UNC13C: variants seen among roughly 807,000 people sequenced by gnomAD.
UNC13C encodes the protein unc-13 homolog C, also known as protein unc-13 homolog C.
UNC13C carries 174 observed loss-of-function variants against 245.4 expected under a neutral mutation model. That is an observed-to-expected ratio of 0.71 (90% CI 0.63 to 0.80). UNC13C has a LOEUF of 0.80. Ranked by LOEUF, UNC13C falls within the 30% of genes least tolerant of loss-of-function variation. The pLI, the probability that UNC13C is intolerant of heterozygous loss-of-function variation, is 0.00. For synonymous variants in UNC13C, 992 were observed against 895.1 expected, an observed-to-expected ratio of 1.11 and a Z score of -1.93; for missense variants, 2,829 against 2,602.9, an observed-to-expected ratio of 1.09 and a Z score of -1.89.
downstream of UNC13C, chr15:54,630,760 A>AT (rs1407276646): frequency 5.3e-5 from 8 of 152,082 alleles, no homozygotes; most frequent in African/African-American, 1.9e-4. Flanking sequence ...CTGCAGTGTG[A>AT]TTTTTAGAAT....
chr15:54,268,059 C>G (rs941953954), intron 10 of UNC13C, among the ~76,000 whole-genome samples: 2 of 151,900 alleles, frequency 1.3e-5, no homozygotes, highest in Non-Finnish European at 2.9e-5. Context: ...AACCCATCAT[C>G]TAGGTTTTAA....
chr15:54,209,456 G>A (rs1020852553), intron 4 of UNC13C, among the ~76,000 whole-genome samples: 5 of 151,592 alleles, frequency 3.3e-5, no homozygotes, highest in African/African-American at 1.2e-4. Context: ...CTGTCACTCA[G>A]GGCTGGAGTA....
chr15:54,001,789 C>T (rs553863445), intron 1 of UNC13C, among the ~76,000 whole-genome samples: 5 of 152,298 alleles, frequency 3.3e-5, no homozygotes, highest in South Asian at 2.1e-4. Context: ...CGTGGGGACA[C>T]GGCACAGCCA....
chr15:54,375,282 G>A (rs2039581294), intron 17 of UNC13C, among the ~76,000 whole-genome samples: 1 of 152,162 alleles, frequency 6.6e-6, no homozygotes, highest in Non-Finnish European at 1.5e-5. Context: ...CTACCTTGCA[G>A]AAAATAAACT....
chr15:54,180,253 A>G (rs2033753555), intron 4 of UNC13C, among the ~76,000 whole-genome samples: 1 of 151,980 alleles, frequency 6.6e-6, no homozygotes, highest in African/African-American at 2.4e-5. Context: ...ATTACATGAC[A>G]TATTTTGTTC....
At chr15:53,876,765 T>C in the UNC13C span, among the ~76,000 whole-genome samples, 1 of 152,332 alleles carries the variant, frequency 6.6e-6, no homozygotes, top group East Asian at 1.9e-4. Flanking sequence ...TTTTATGGTA[T>C]CTTTAGTCTT....
the UNC13C span, among the ~76,000 whole-genome samples, chr15:53,937,418 A>G: frequency 6.6e-6 from 1 of 152,210 alleles, no homozygotes; most frequent in African/African-American, 2.4e-5. Context: ...ATTGGGGTAC[A>G]TGAAAGAGAT....
At chr15:53,934,543 G>C in the UNC13C span, among the ~76,000 whole-genome samples, 1 of 152,188 alleles carries the variant, frequency 6.6e-6, no homozygotes, top group Non-Finnish European at 1.5e-5. Flanking sequence ...ACCAATTAAA[G>C]AGAGTCAGCT....
In UNC13C at chr15:54,453,269, C is replaced by G. The variant is rs138850409; in HGVS notation, c.4933+38202C>G. ...TTACCCTTTTCCTGCACTGTTGAGT[C>G]TCACTGGGCTCCCAGATGATACTAG... On this transcript the variant is annotated intron_variant, in intron 19 of 32. Transcript: ENST00000260323. Among the ~76,000 whole-genome samples the G allele has an allele frequency of 9.8e-5, 15 of 152,308 alleles. No homozygotes were observed. The East Asian group carries it at 2.3e-3, about 24-fold the overall frequency.
At chr15:54,613,327 T>TA (rs1314639172) in intron 30 of UNC13C, among the ~76,000 whole-genome samples, 2 of 151,884 alleles carry the variant, frequency 1.3e-5, no homozygotes, top group African/African-American at 4.8e-5. Context: ...GTTGACATAT[T>TA]AAAAAATGTC....
intron 19 of UNC13C, among the ~76,000 whole-genome samples, chr15:54,458,861 G>T (rs140945318): frequency 1.3e-4 from 19 of 151,584 alleles, no homozygotes; most frequent in African/African-American, 4.6e-4. Flanking sequence ...CTGCCATTCT[G>T]TATCTTTTTA....
chr15:54,151,303 T>C (rs922967297), intron 4 of UNC13C, among the ~76,000 whole-genome samples: 1 of 152,142 alleles, frequency 6.6e-6, no homozygotes, highest in Non-Finnish European at 1.5e-5. Context: ...ATTTTTTACT[T>C]CCATTATTTA....
the UNC13C span, chr15:53,914,470 C>T: frequency 6.6e-6 from 1 of 152,354 alleles, no homozygotes; most frequent in Non-Finnish European, 1.5e-5. Context: ...AGAGTCAGGG[C>T]TGTCCATATT....
Position 54,555,564 on chromosome 15 carries a change from C to G in UNC13C, c.5958+52C>G, listed in dbSNP as rs991591300. ...CATCGAGAGAGGCCCCCATTTACCTCCAGAGATAGGTAGCCCTGATCTTAG... is the reference window on the plus strand; with the variant it reads ...CATCGAGAGAGGCCCCCATTTACCTGCAGAGATAGGTAGCCCTGATCTTAG... On this transcript the variant is annotated intron_variant, in intron 29 of 32. Transcript: ENST00000260323. 1.1e-5 allele frequency: 15 copies of G among 1,410,114 alleles called. No individual in the cohort carries two copies. In the East Asian group the frequency reaches 3.3e-4, roughly 31 times the overall value. The allele number at this position is 1,410,114 out of a possible 1,614,324, so 87.4% of individuals were successfully genotyped here. A position where few individuals can be genotyped will look rare whatever the true frequency, so the allele number is the denominator to read the frequency against.
chr15:53,944,667 A>G, the UNC13C span, among the ~76,000 whole-genome samples: 2 of 152,226 alleles, frequency 1.3e-5, no homozygotes, highest in Non-Finnish European at 2.9e-5. Flanking sequence ...CCAGTCTGCC[A>G]TTGATGGGCA....
chr15:53,955,836 G>A, the UNC13C span: 1 of 151,980 alleles, frequency 6.6e-6, no homozygotes, highest in Non-Finnish European at 1.5e-5. Flanking sequence ...AGAATACTGA[G>A]GAAAGAAAAT....
At chr15:54,618,791 A>G (rs924743571) in intron 30 of UNC13C, among the ~76,000 whole-genome samples, 1 of 152,196 alleles carries the variant, frequency 6.6e-6, no homozygotes, top group African/African-American at 2.4e-5. Flanking sequence ...AAGTATATGT[A>G]TAGTTCTTTT....
intron 22 of UNC13C, among the ~76,000 whole-genome samples, chr15:54,501,788 G>A (rs1246627890): frequency 3.3e-5 from 5 of 152,070 alleles, no homozygotes; most frequent in Admixed American, 2.6e-4. Context: ...AGACTAAAAC[G>A]GAGAAGTTAG....
At chr15:54,175,518 T>A (rs1792894113) in intron 4 of UNC13C, among the ~76,000 whole-genome samples, 1 of 146,432 alleles carries the variant, frequency 6.8e-6, no homozygotes, top group South Asian at 2.2e-4. Flanking sequence ...ATTTTTTTTT[T>A]TTTTTTTTTT....
Sources: gnomAD v4.1 joint callset for allele counts (sites outside exome capture counted in the v4.1 genomes callset) on GRCh38, gnomAD v4.1.1 for gene constraint, MANE v1.5 for transcripts, NCBI Gene and HGNC (gene_info 2026-07-23, HGNC 2026-07-21) for gene names.